The following TEDC1 variants were observed in gnomAD, a reference collection of about 807,000 sequenced individuals.
The protein encoded by TEDC1 is tubulin epsilon and delta complex 1, also known as tubulin epsilon and delta complex protein 1.
In TEDC1, 54 loss-of-function variants were observed where a neutral mutation model predicts 59.9. The observed-to-expected ratio is 0.90, with a 90% confidence interval of 0.72 to 1.13. The LOEUF (loss-of-function observed/expected upper bound fraction) is 1.13, where lower values mean the gene tolerates loss of function less well. Ranked by LOEUF, TEDC1 falls within the 50% of genes most tolerant of loss-of-function variation. TEDC1 has a pLI of 0.00. For missense variants in TEDC1, 734 were observed against 683.4 expected, an observed-to-expected ratio of 1.07 and a Z score of -0.83; for synonymous variants, 353 against 298.1, an observed-to-expected ratio of 1.18 and a Z score of -1.90.
chr14:105,498,544 C>T, intron 8 of TEDC1, 73 bp from the exon 9 acceptor site: 2 of 1,440,250 alleles, frequency 1.4e-6, no homozygotes, highest in Non-Finnish European at 1.8e-6. Context: ...TGAGTCTGGG[C>T]TCAGGGAATG....
At chr14:105,493,144 G>C (rs2084255599) in intron 4 of TEDC1, among the ~76,000 whole-genome samples, 1 of 152,118 alleles carries the variant, frequency 6.6e-6, no homozygotes, top group South Asian at 2.1e-4. Context: ...GGGGTGGACA[G>C]CTCCTGTGGG....
Position 105,499,240 on chromosome 14 carries a change from C to T in TEDC1, c.*294C>T, listed in dbSNP as rs189026491. On this transcript the variant is annotated 3_prime_UTR_variant, in exon 9 of 9. Coordinates refer to ENST00000392523, the MANE Select transcript of TEDC1 (RefSeq NM_001367178.1). ...AGCAGCTTTCCTGCCGCTGGCCCTC[C>T]CCCTGCCACCCTGTCGGGTTTCCCT... 7.9e-5 allele frequency: 40 copies of T among 509,268 alleles called. No individual in the cohort carries two copies. Among genetic ancestry groups the T allele is most frequent in the African/African-American group, 6.9e-4 (36 of 52,066 alleles). 31.5% of individuals were successfully genotyped at this position (509,268 alleles called of 1,614,324 possible).
chr14:105,491,562 C>G (rs2141782946), intron 1 of TEDC1, 40 bp downstream of exon 1: 1 of 1,540,778 alleles, frequency 6.5e-7, no homozygotes, highest in East Asian at 2.5e-5. Context: ...GGGTGGGGTC[C>G]CGGGCCCTCG....
At position 105,497,791 on chromosome 14, in the gene TEDC1, T is replaced by C; in HGVS notation, c.979-7T>C. On this transcript the variant is annotated splice_polypyrimidine_tract_variant and splice_region_variant and intron_variant, in intron 7 of 8. Transcript: ENST00000392523. ...TGGTGCACGCTGTCTCACTTGGGTC[T>C]CTGTAGGACACGGTCCTGGGCACCT... is the stretch of plus-strand genomic sequence containing the variant. The C allele has an allele frequency of 6.5e-7, 1 of 1,535,468 alleles. No individual in the cohort carries two copies. Among genetic ancestry groups the C allele is most frequent in the Non-Finnish European group, 8.8e-7 (1 of 1,137,600 alleles).
At chr14:105,496,196 T>G in intron 6 of TEDC1, 110 bp downstream of exon 6, 1 of 1,066,306 alleles carries the variant, frequency 9.4e-7, no homozygotes. Context: ...CTCCCACCCC[T>G]GGCCCTTACC....
chr14:105,495,916 G>GC lies in TEDC1; in HGVS notation c.723dup (p.Tyr242LeufsTer21), dbSNP rs1555440342. On this transcript the variant is annotated frameshift_variant, in exon 6 of 9. Transcript: ENST00000392523. LOFTEE classifies it high-confidence loss of function. The stretch of plus-strand genomic sequence containing the variant: ...GGGAGCTGCCCAAAACCTGGACCTG[G>GC]CCTACCCAAAGTGCCTGCACTCCTT... 5.2e-6 allele frequency: 8 copies of GC among 1,550,268 alleles called. No individual in the cohort carries two copies. Among genetic ancestry groups the GC allele is most frequent in the South Asian group, 3.6e-5 (3 of 84,060 alleles).
chr14:105,498,016 A>G, intron 8 of TEDC1, 39 bp downstream of exon 8: 1 of 1,464,496 alleles, frequency 6.8e-7, no homozygotes, highest in South Asian at 1.3e-5. Context: ...GCCCAGCCCC[A>G]CCTTCGGGGG....
chr14:105,494,166 C>T (rs781880234), intron 5 of TEDC1: 15 of 575,384 alleles, frequency 2.6e-5, no homozygotes, highest in Non-Finnish European at 4.1e-5. Flanking sequence ...AGACGTGGCA[C>T]GGGTGGGGGC....
chr14:105,495,783 G>A, intron 5 of TEDC1, 97 bp from the exon 6 acceptor site: 1 of 1,030,030 alleles, frequency 9.7e-7, no homozygotes, highest in Non-Finnish European at 1.4e-6. Flanking sequence ...CCTCTGTGGT[G>A]GGCTGGGGGG....
rs1289994268 is a variant in TEDC1 at position 105,492,709 on chromosome 14, A to G, written c.560A>G (p.Gln187Arg). ...FRWRQLVSSQQEQCALLSKIH... is the reference protein window; with the variant it reads ...FRWRQLVSSQREQCALLSKIH... ...TGGCGCCAGCTGGTGTCCAGTCAGC[A>G]GGAGCAGTGCGCCCTCCTGAGCAAG... Residue 187 changes from glutamine to arginine, a missense_variant, in exon 4 of 9, where the codon CAG (glutamine) becomes CGG (arginine). Coordinates refer to ENST00000392523, the MANE Select transcript of TEDC1 (RefSeq NM_001367178.1). 12 of 1,543,932 alleles carry G rather than the reference A, an allele frequency of 7.8e-6. No individual in the cohort carries two copies. The highest frequency in any genetic ancestry group is 1.0e-5 in the Non-Finnish European group (12 of 1,146,882).
intron 6 of TEDC1, 60 bp downstream of exon 6, chr14:105,496,146 G>GGGGGGGGGCCCCCCCCCCCC: frequency 3.0e-6 from 1 of 331,608 alleles, no homozygotes; most frequent in Non-Finnish European, 5.9e-6. Context: ...GGGTGGGAGG[G>GGGGGGGGGCCCCCCCCCCCC]GGTGGCGAGG....
rs181709041 is a variant in TEDC1, at chr14:105,492,119, G to A, written c.239G>A (p.Arg80His). Reference sequence around the variant, plus strand: ...TCTTCTGTCCTAGAGGTCCAAGCCCGCTTGGTGAAGTCAGCACTATGCTCC... The same window carrying A: ...TCTTCTGTCCTAGAGGTCCAAGCCCACTTGGTGAAGTCAGCACTATGCTCC... Reference protein sequence around the residue: ...LASLALEVQARLVKSALCSQG... With the variant: ...LASLALEVQAHLVKSALCSQG... The change falls in exon 3 of 9, where the codon CGC becomes CAC. Residue 80 changes from arginine to histidine, a missense_variant. Coordinates refer to ENST00000392523, the MANE Select transcript of TEDC1 (RefSeq NM_001367178.1). 1,324 of 1,607,830 alleles carry A rather than the reference G, an allele frequency of 8.2e-4. 21 individuals are homozygous for A. The Admixed American group carries it at 0.02, about 24-fold the overall frequency.
intron 2 of TEDC1, 82 bp from the exon 3 acceptor site, chr14:105,492,025 A>C: frequency 7.2e-7 from 1 of 1,393,094 alleles, no homozygotes. Context: ...TGCTCAAGTG[A>C]CCTGTGGGGG....
Position 105,493,911 on chromosome 14 carries a change from G to A in TEDC1, c.662G>A (p.Arg221Lys), listed in dbSNP as rs782305933. Reference protein sequence around the residue: ...HLSVTEAEMLRDPEGGQQVSG... With the variant: ...HLSVTEAEMLKDPEGGQQVSG... ...TCTGTCACTGAAGCAGAGATGCTCAGGGACCCAGAGGGAGGCCAGCAGGTG... is the reference window on the plus strand; with the variant it reads ...TCTGTCACTGAAGCAGAGATGCTCAAGGACCCAGAGGGAGGCCAGCAGGTG... Residue 221 changes from arginine (R) to lysine (K), a missense_variant, in exon 5 of 9, where the codon AGG (arginine) becomes AAG (lysine). Transcript: ENST00000392523. 1 of 1,570,204 alleles carries A rather than the reference G, an allele frequency of 6.4e-7. No homozygotes were observed. Among genetic ancestry groups the A allele is most frequent in the Admixed American group, 1.7e-5 (1 of 58,920 alleles).
At chr14:105,490,051 G>A (rs2084173416), upstream of TEDC1, 1 of 152,254 alleles carries the variant, frequency 6.6e-6, no homozygotes, top group African/African-American at 2.4e-5. Flanking sequence ...GGGGTGAGGA[G>A]CGCAGTCCTC....
chr14:105,495,758 C>T, intron 5 of TEDC1, 122 bp from the exon 6 acceptor site: 3 of 818,158 alleles, frequency 3.7e-6, no homozygotes, highest in Non-Finnish European at 5.6e-6. Context: ...CTGCCCAGTG[C>T]CTCTGTGGGA....
chr14:105,490,992 G>T (rs1001924691), upstream of TEDC1: 14 of 1,536,438 alleles, frequency 9.1e-6, no homozygotes, highest in African/African-American at 1.4e-5. Flanking sequence ...CCTGCCAGGA[G>T]CCCGGAAGTG....
Position 105,492,611 on chromosome 14 carries a change from A to C in TEDC1, c.462A>C (p.Ala154=), listed in dbSNP as rs1555439695. The change falls in exon 4 of 9, where the codon GCA becomes GCC. Residue 154 remains alanine, a synonymous_variant. Transcript: ENST00000392523. ...CEALASPGPP[A]PHMEAEGPVD... is the part of the protein sequence containing the mutation. ...CCCTGGCCAGCCCTGGCCCACCTGCACCCCACATGGAAGCAGAGGGTCCTG... is the reference window on the plus strand; with the variant it reads ...CCCTGGCCAGCCCTGGCCCACCTGCCCCCCACATGGAAGCAGAGGGTCCTG... The C allele has an allele frequency of 1.1e-5, 17 of 1,541,242 alleles. No individual in the cohort carries two copies. The highest frequency in any genetic ancestry group is 2.0e-5 in the Admixed American group (1 of 50,978).
chr14:105,498,275 C>T (rs587724480), intron 8 of TEDC1, among the ~76,000 whole-genome samples: 8 of 152,310 alleles, frequency 5.3e-5, no homozygotes, highest in Admixed American at 1.3e-4. Context: ...ATGCATCACA[C>T]GGTAGTAGTC....
Sources: allele counts gnomAD v4.1 joint callset (sites outside exome capture counted in the v4.1 genomes callset), GRCh38; gene constraint gnomAD v4.1.1; transcripts MANE v1.5; gene names NCBI Gene and HGNC (gene_info 2026-07-23, HGNC 2026-07-21).